The following PABPC4L variants were observed in gnomAD, a reference collection of about 807,000 sequenced individuals.
PABPC4L encodes the protein polyadenylate-binding protein 4-like.
For synonymous variants in PABPC4L, 169 were observed against 164.1 expected, an observed-to-expected ratio of 1.03 and a Z score of -0.23; for missense variants, 452 against 451.4, an observed-to-expected ratio of 1.00 and a Z score of -0.01.
the PABPC4L span, among the ~76,000 whole-genome samples, chr4:133,995,903 A>T: frequency 6.6e-6 from 1 of 152,134 alleles, no homozygotes; most frequent in South Asian, 2.1e-4. Context: ...GCTTCAATTA[A>T]TCCTTTTGTA....
the PABPC4L span, among the ~76,000 whole-genome samples, chr4:134,115,862 G>C: frequency 2.0e-5 from 3 of 151,600 alleles, no homozygotes; most frequent in Non-Finnish European, 2.9e-5. Flanking sequence ...CGAATCTAGG[G>C]AGTATTAAAC....
chr4:134,105,710 T>C, the PABPC4L span, among the ~76,000 whole-genome samples: 3 of 151,750 alleles, frequency 2.0e-5, no homozygotes, highest in South Asian at 6.2e-4. Flanking sequence ...GAAAGGAAAA[T>C]GTTGAACACA....
At chr4:133,980,652 C>A in the PABPC4L span, among the ~76,000 whole-genome samples, 1 of 152,040 alleles carries the variant, frequency 6.6e-6, no homozygotes, top group African/African-American at 2.4e-5. Flanking sequence ...CCAAGAGAAT[C>A]ATGAAAATGA....
chr4:134,089,613 GA>G, the PABPC4L span, among the ~76,000 whole-genome samples: 1 of 151,838 alleles, frequency 6.6e-6, no homozygotes, highest in African/African-American at 2.4e-5. Flanking sequence ...GTATGTATAG[GA>G]AAAAACATAA....
the PABPC4L span, among the ~76,000 whole-genome samples, chr4:133,971,902 T>C: frequency 2.0e-5 from 3 of 152,298 alleles, no homozygotes; most frequent in Non-Finnish European, 1.5e-5. Context: ...AAAATATTCT[T>C]AATATGCCCT....
At chr4:134,190,670 G>T in the PABPC4L span, among the ~76,000 whole-genome samples, 1 of 151,638 alleles carries the variant, frequency 6.6e-6, no homozygotes, top group African/African-American at 2.4e-5. Flanking sequence ...TGAATATCTG[G>T]AGACAGAGTC....
At chr4:134,081,138 T>C in the PABPC4L span, among the ~76,000 whole-genome samples, 2 of 152,134 alleles carry the variant, frequency 1.3e-5, no homozygotes, top group Non-Finnish European at 2.9e-5. Context: ...AAGTAGGTAT[T>C]AAGAAGGACT....
At chr4:133,959,722 T>G in the PABPC4L span, among the ~76,000 whole-genome samples, 1 of 152,202 alleles carries the variant, frequency 6.6e-6, no homozygotes, top group Non-Finnish European at 1.5e-5. Flanking sequence ...ACCCTGAAAT[T>G]CTAAGCTGAA....
At position 134,196,476 on chromosome 4, in the gene PABPC4L, A is replaced by C. The variant is rs1729659321; in HGVS notation, c.*3431T>G. 6.6e-6 allele frequency: 1 copy of C among 151,770 alleles called. No homozygotes were observed. Among genetic ancestry groups the C allele is most frequent in the African/African-American group, 2.4e-5 (1 of 41,428 alleles). 9.4% of individuals were successfully genotyped at this position (151,770 alleles called of 1,614,324 possible). A position where few individuals can be genotyped will look rare whatever the true frequency, so the allele number is the denominator to read the frequency against. On this transcript the variant is annotated 3_prime_UTR_variant, in exon 2 of 2. Coordinates refer to ENST00000421491, the MANE Select transcript of PABPC4L (RefSeq NM_001114734.2). ...AATTCCTATTTGAAATTTAAAAGAT[A>C]AAATGTTAAAAGAATACATTTATTG...
At chr4:134,011,217 C>T in the PABPC4L span, among the ~76,000 whole-genome samples, 1,760 of 152,082 alleles carry the variant, frequency 0.012, 37 homozygotes, top group African/African-American at 0.04. Flanking sequence ...TCCCCAAATA[C>T]CTTTACACTG....
chr4:134,066,788 T>C, the PABPC4L span, among the ~76,000 whole-genome samples: 1 of 152,160 alleles, frequency 6.6e-6, no homozygotes, highest in Non-Finnish European at 1.5e-5. Flanking sequence ...TTTGCATCTA[T>C]TGAGATGATC....
the PABPC4L span, among the ~76,000 whole-genome samples, chr4:134,021,618 G>A: frequency 6.6e-6 from 1 of 152,118 alleles, no homozygotes; most frequent in Admixed American, 6.6e-5. Flanking sequence ...GGACACAGAG[G>A]TGTCTAGTTA....
At chr4:134,040,320 C>A in the PABPC4L span, among the ~76,000 whole-genome samples, 1 of 152,078 alleles carries the variant, frequency 6.6e-6, no homozygotes, top group Non-Finnish European at 1.5e-5. Context: ...TACTTGACTT[C>A]AAACTATACT....
chr4:134,010,734 T>C, the PABPC4L span: 1 of 152,170 alleles, frequency 6.6e-6, no homozygotes, highest in African/African-American at 2.4e-5. Flanking sequence ...AGTCGATGTA[T>C]GTAAATCTCT....
At chr4:133,978,460 C>T in the PABPC4L span, among the ~76,000 whole-genome samples, 123 of 151,960 alleles carry the variant, frequency 8.1e-4, no homozygotes, top group Middle Eastern at 3.4e-3. Flanking sequence ...ATAATAATAA[C>T]GACAAAATAG....
At chr4:134,015,154 A>G in the PABPC4L span, among the ~76,000 whole-genome samples, 1 of 152,094 alleles carries the variant, frequency 6.6e-6, no homozygotes, top group South Asian at 2.1e-4. Flanking sequence ...CTCAATGCCA[A>G]TATCCCATCC....
At chr4:134,121,700 T>C in the PABPC4L span, among the ~76,000 whole-genome samples, 1 of 151,684 alleles carries the variant, frequency 6.6e-6, no homozygotes, top group Non-Finnish European at 1.5e-5. Context: ...CTGCTTTTTT[T>C]CAACTTCCAG....
the PABPC4L span, among the ~76,000 whole-genome samples, chr4:134,169,141 G>A: frequency 2.6e-5 from 4 of 152,032 alleles, no homozygotes; most frequent in Admixed American, 1.3e-4. Context: ...GCAAGGATGA[G>A]TCAACATATG....
the PABPC4L span, among the ~76,000 whole-genome samples, chr4:134,085,231 T>C: frequency 6.6e-6 from 1 of 152,070 alleles, no homozygotes; most frequent in African/African-American, 2.4e-5. Flanking sequence ...CCTGTCTCTA[T>C]CACTGTTTTC....
Sources: gnomAD v4.1 joint callset for allele counts (sites outside exome capture counted in the v4.1 genomes callset) on GRCh38, gnomAD v4.1.1 for gene constraint, MANE v1.5 for transcripts, NCBI Gene and HGNC (gene_info 2026-07-23, HGNC 2026-07-21) for gene names.